SIN3B: variants seen among roughly 807,000 people sequenced by gnomAD.
SIN3B encodes the protein paired amphipathic helix protein Sin3b.
In SIN3B, 19 loss-of-function variants were observed where a neutral mutation model predicts 120.2. That is an observed-to-expected ratio of 0.16 (90% CI 0.11 to 0.23). The LOEUF is 0.23. Ranked by LOEUF, SIN3B falls within the 10% of genes least tolerant of loss-of-function variation. The pLI is 1.00. For missense variants in SIN3B, 1,073 were observed against 1,573.0 expected, an observed-to-expected ratio of 0.68 and a Z score of 5.38; for synonymous variants, 654 against 653.2, an observed-to-expected ratio of 1.00 and a Z score of -0.02.
chr19:16,843,038 G>C (rs1463067003), intron 4 of SIN3B, among the ~76,000 whole-genome samples: 1 of 152,192 alleles, frequency 6.6e-6, no homozygotes, highest in African/African-American at 2.4e-5. Flanking sequence ...GGGCTTAGAC[G>C]TCCTCTTCAC....
chr19:16,859,646 G>A (rs1368194363), intron 8 of SIN3B, among the ~76,000 whole-genome samples: 1 of 152,198 alleles, frequency 6.6e-6, no homozygotes, highest in Non-Finnish European at 1.5e-5. Flanking sequence ...CCCAGAGCAG[G>A]ATGGTGTTAC....
chr19:16,870,140 A>G (rs2051491615), intron 13 of SIN3B, 65 bp downstream of exon 13: 1 of 1,385,898 alleles, frequency 7.2e-7, no homozygotes, highest in East Asian at 2.5e-5. Context: ...ACAGCTCATG[A>G]TCTGACATGT....
intron 3 of SIN3B, among the ~76,000 whole-genome samples, chr19:16,833,794 G>A (rs113151086): frequency 4.2e-4 from 64 of 151,262 alleles, no homozygotes; most frequent in Admixed American, 1.2e-3. Context: ...CGCAATCTCG[G>A]CTCCCTGCAA....
chr19:16,873,244 C>T (rs941763293), intron 14 of SIN3B, among the ~76,000 whole-genome samples: 3 of 152,140 alleles, frequency 2.0e-5, no homozygotes, highest in Admixed American at 1.3e-4. Context: ...CGCCTGTTTC[C>T]GTTGCGTCTG....
chr19:16,872,442 T>G (rs62128037), intron 14 of SIN3B: 8,731 of 150,956 alleles, frequency 0.058, 336 homozygotes, highest in Non-Finnish European at 0.086. Flanking sequence ...CTTTTTCTTC[T>G]TCTTCTTTTT....
chr19:16,866,662 T>C (rs1568423513), intron 12 of SIN3B, 106 bp downstream of exon 12: 1 of 1,153,802 alleles, frequency 8.7e-7, no homozygotes, highest in Non-Finnish European at 1.2e-6. Context: ...GGTAGTGGCA[T>C]TGCCCTTTCA....
chr19:16,877,665 T>C (rs2258663), intron 17 of SIN3B, 26 bp downstream of exon 17: 1,147,198 of 1,499,770 alleles, frequency 0.76, 439,994 homozygotes, highest in African/African-American at 0.83. Flanking sequence ...ATGCATGCTC[T>C]GTTCCTTCCT....
At chr19:16,849,160 C>A (rs536375043) in intron 5 of SIN3B, among the ~76,000 whole-genome samples, 1 of 152,250 alleles carries the variant, frequency 6.6e-6, no homozygotes, top group African/African-American at 2.4e-5. Context: ...AACTTTTGGA[C>A]ATATATTAAA....
chr19:16,866,074 C>T (rs1971767968), intron 11 of SIN3B, among the ~76,000 whole-genome samples: 1 of 152,196 alleles, frequency 6.6e-6, no homozygotes, highest in South Asian at 2.1e-4. Flanking sequence ...GACCCAGTCC[C>T]TCTCTTGGGA....
At position 16,866,399 on chromosome 19, in the gene SIN3B, G is replaced by A. The variant is rs775986985; in HGVS notation, c.1649G>A (p.Arg550Gln). ...KRLKAKEEEWREAQQGFNKIW... is the reference protein window; with the variant it reads ...KRLKAKEEEWQEAQQGFNKIW... ...CTGAAGGCCAAGGAAGAGGAGTGGCGGGAGGCCCAGCAGGGCTTCAACAAG... is the reference window on the plus strand; with the variant it reads ...CTGAAGGCCAAGGAAGAGGAGTGGCAGGAGGCCCAGCAGGGCTTCAACAAG... Residue 550 changes from arginine to glutamine, a missense_variant, in exon 12 of 19, where the codon CGG (arginine) becomes CAG (glutamine). Arg to Gln is a conservative substitution (Grantham distance 43, BLOSUM62 1). Coordinates refer to ENST00000248054, the MANE Select transcript of SIN3B (RefSeq NM_001297595.2). 6.2e-7 allele frequency: 1 copy of A among 1,605,766 alleles called. No individual in the cohort carries two copies. The highest frequency in any genetic ancestry group is 8.5e-7 in the Non-Finnish European group (1 of 1,175,964).
chr19:16,853,880 C>T (rs1169346946), intron 7 of SIN3B, among the ~76,000 whole-genome samples: 1 of 151,198 alleles, frequency 6.6e-6, no homozygotes, highest in African/African-American at 2.4e-5. Context: ...TGAATTGCTG[C>T]ATGGATCACG....
In SIN3B at chr19:16,879,593, C is replaced by T. The variant is rs2051666623; in HGVS notation, c.*866C>T. On this transcript the variant is annotated 3_prime_UTR_variant, in exon 19 of 19. Coordinates refer to ENST00000248054, the MANE Select transcript of SIN3B (RefSeq NM_001297595.2). ...TTGTTATTTCTGTAGCAGCCAAGTC[C>T]TGCGGCTCCCTGGGGCTGAGATCTC... 6.6e-6 allele frequency: 1 copy of T among 152,292 alleles called. No individual in the cohort carries two copies. The highest frequency in any genetic ancestry group is 2.1e-4 in the South Asian group (1 of 4,836). 9.4% of individuals were successfully genotyped at this position (152,292 alleles called of 1,614,324 possible).
chr19:16,864,440 C>T (rs1416028853), intron 10 of SIN3B, among the ~76,000 whole-genome samples: 1 of 151,938 alleles, frequency 6.6e-6, no homozygotes, highest in Non-Finnish European at 1.5e-5. Flanking sequence ...ATGATCCTCC[C>T]ACCTCAGCCT....
chr19:16,857,502 TA>T (rs1971630317), intron 8 of SIN3B, among the ~76,000 whole-genome samples: 1 of 145,644 alleles, frequency 6.9e-6, no homozygotes, highest in Non-Finnish European at 1.5e-5. Context: ...CCTTTTGCAT[TA>T]ACTTAAAAAA....
intron 14 of SIN3B, among the ~76,000 whole-genome samples, chr19:16,872,960 G>A (rs941815653): frequency 2.6e-5 from 4 of 152,282 alleles, no homozygotes; most frequent in South Asian, 2.1e-4. Flanking sequence ...TGCGGTGGCC[G>A]TCTATGTACA....
chr19:16,860,494 A>G (rs1971672303), intron 8 of SIN3B, among the ~76,000 whole-genome samples: 1 of 151,878 alleles, frequency 6.6e-6, no homozygotes, highest in Admixed American at 6.6e-5. Flanking sequence ...AATACGGGGA[A>G]CGACGGAGCC....
Position 16,878,769 on chromosome 19 carries a change from G to A in SIN3B, c.*42G>A. 1 of 1,518,506 alleles carries A rather than the reference G, an allele frequency of 6.6e-7. No homozygotes were observed. Among genetic ancestry groups the A allele is most frequent in the Non-Finnish European group, 8.9e-7 (1 of 1,126,862 alleles). 94.1% of individuals were successfully genotyped at this position (1,518,506 alleles called of 1,614,324 possible). On this transcript the variant is annotated 3_prime_UTR_variant, in exon 19 of 19. Coordinates refer to ENST00000248054, the MANE Select transcript of SIN3B (RefSeq NM_001297595.2). ...CCGGGCAGGCGCCTCACAGAGCACA[G>A]ACGTGCCCTCGGCCTTGGTCGTGTC... is the stretch of plus-strand genomic sequence containing the variant.
intron 13 of SIN3B, 146 bp downstream of exon 13, chr19:16,870,221 G>T: frequency 9.6e-7 from 1 of 1,037,070 alleles, no homozygotes; most frequent in Non-Finnish European, 1.4e-6. Context: ...TTGCAAACAG[G>T]AAGTTGCCAG....
At chr19:16,868,109 A>G (rs1158871986) in intron 12 of SIN3B, among the ~76,000 whole-genome samples, 2 of 152,184 alleles carry the variant, frequency 1.3e-5, no homozygotes, top group Non-Finnish European at 2.9e-5. Context: ...GTTACAGATC[A>G]TGGACATGGG....
Sources: gnomAD v4.1 joint callset for allele counts (sites outside exome capture counted in the v4.1 genomes callset) on GRCh38, gnomAD v4.1.1 for gene constraint, MANE v1.5 for transcripts, NCBI Gene and HGNC (gene_info 2026-07-23, HGNC 2026-07-21) for gene names.